Variants in RAB38 observed in about 807,000 individuals in gnomAD.
RAB38 encodes the protein ras-related protein Rab-38.
RAB38 carries 15 observed loss-of-function variants against 18.4 expected under a neutral mutation model. The observed-to-expected ratio is 0.82, with a 90% CI of 0.55 to 1.26. The LOEUF is 1.26. Ranked by LOEUF, RAB38 falls within the 50% of genes most tolerant of loss-of-function variation. RAB38 has a pLI of 0.00. For synonymous variants in RAB38, 101 were observed against 104.4 expected (o/e 0.97, Z 0.20); for missense variants, 294 against 267.4 (o/e 1.10, Z -0.69).
the RAB38 span, among the ~76,000 whole-genome samples, chr11:87,945,428 C>T: frequency 2.6e-5 from 4 of 152,212 alleles, no homozygotes; most frequent in South Asian, 8.3e-4. Context: ...TGAAATGGAG[C>T]AATTTAACAA....
the RAB38 span, among the ~76,000 whole-genome samples, chr11:87,813,476 T>G: frequency 2.1e-5 from 3 of 145,138 alleles, no homozygotes; most frequent in Non-Finnish European, 3.0e-5. Flanking sequence ...AATAAAGGCA[T>G]GCACACATAT....
At chr11:88,169,531 C>T (rs1436101005) in intron 1 of RAB38, among the ~76,000 whole-genome samples, 1 of 151,978 alleles carries the variant, frequency 6.6e-6, no homozygotes, top group African/African-American at 2.4e-5. Context: ...CATGAGTAGT[C>T]AAGGATATAG....
intron 2 of RAB38, among the ~76,000 whole-genome samples, chr11:88,128,129 G>A (rs1257313637): frequency 6.6e-6 from 1 of 152,214 alleles, no homozygotes; most frequent in Admixed American, 6.5e-5. Flanking sequence ...GCTTAGGACA[G>A]GGAATTAGGA....
the RAB38 span, among the ~76,000 whole-genome samples, chr11:88,073,172 T>C: frequency 9.8e-4 from 149 of 152,236 alleles, no homozygotes; most frequent in African/African-American, 3.5e-3. Context: ...GTGTTGAAAG[T>C]GCCTGGAGAG....
At chr11:88,003,782 AAT>A in the RAB38 span, among the ~76,000 whole-genome samples, 12 of 1,376 alleles carry the variant, frequency 8.7e-3, no homozygotes, top group South Asian at 0.026. Flanking sequence ...TATTATATAT[AAT>A]ATATATAATA....
the RAB38 span, among the ~76,000 whole-genome samples, chr11:87,955,672 AT>A: frequency 7.0e-6 from 1 of 142,026 alleles, no homozygotes; most frequent in Non-Finnish European, 1.6e-5. Context: ...TCAATCATCT[AT>A]CTATCAATCA....
the RAB38 span, among the ~76,000 whole-genome samples, chr11:87,874,554 T>C: frequency 0.3 from 45,939 of 150,922 alleles, 8,973 homozygotes; most frequent in African/African-American, 0.54. Context: ...ATGTAAATGA[T>C]GAGTTAATGG....
chr11:88,050,500 C>A, the RAB38 span, among the ~76,000 whole-genome samples: 2 of 152,156 alleles, frequency 1.3e-5, no homozygotes, highest in African/African-American at 4.8e-5. Flanking sequence ...CACCTACGTA[C>A]ACATGCACTT....
chr11:88,103,633 T>C, the RAB38 span, among the ~76,000 whole-genome samples: 5 of 152,214 alleles, frequency 3.3e-5, no homozygotes, highest in East Asian at 9.7e-4. Flanking sequence ...CATTGAAACT[T>C]TGGAGTTGTT....
the RAB38 span, among the ~76,000 whole-genome samples, chr11:87,854,580 G>T: frequency 1.4e-3 from 213 of 152,144 alleles, 1 homozygote; most frequent in Admixed American, 3.0e-3. Flanking sequence ...CATGATAAAT[G>T]AAATGTTTTC....
chr11:87,924,399 A>C, the RAB38 span, among the ~76,000 whole-genome samples: 1 of 152,048 alleles, frequency 6.6e-6, no homozygotes, highest in Non-Finnish European at 1.5e-5. Context: ...ATCTCAGAAA[A>C]TATCTCAGCT....
chr11:87,900,733 AGAGGGAGGGAGGGAAGAAGGAAGATG>A, the RAB38 span, among the ~76,000 whole-genome samples: 1 of 149,116 alleles, frequency 6.7e-6, no homozygotes, highest in East Asian at 2.1e-4. Flanking sequence ...GGAAGAAGGA[AGAGGGAGGGAGGGAAGAAGGAAGATG>A]GAGGGAGGGA....
the RAB38 span, among the ~76,000 whole-genome samples, chr11:87,912,762 C>CTTTTTTTTTTTTTTTTTTTTTTTTTTTT: frequency 2.3e-5 from 2 of 86,562 alleles, no homozygotes; most frequent in Non-Finnish European, 4.6e-5. Context: ...AATTTTCTTT[C>CTTTTTTTTTTTTTTTTTTTTTTTTTTTT]TTTCTTTTTT....
the RAB38 span, among the ~76,000 whole-genome samples, chr11:87,869,513 C>A: frequency 6.6e-6 from 1 of 151,600 alleles, no homozygotes; most frequent in African/African-American, 2.4e-5. Context: ...AGTATCAAAT[C>A]ATTTTGGAAA....
At chr11:87,941,212 G>GAT in the RAB38 span, among the ~76,000 whole-genome samples, 740 of 37,616 alleles carry the variant, frequency 0.02, 50 homozygotes, top group East Asian at 0.045. Context: ...ATAAATATAT[G>GAT]AGATATATAT....
chr11:87,902,164 G>T, the RAB38 span, among the ~76,000 whole-genome samples: 1 of 151,462 alleles, frequency 6.6e-6, no homozygotes, highest in Non-Finnish European at 1.5e-5. Context: ...GCTAGTAAGT[G>T]GTGGAGTGAA....
the RAB38 span, among the ~76,000 whole-genome samples, chr11:88,009,894 T>C: frequency 1.3e-5 from 2 of 152,278 alleles, no homozygotes; most frequent in South Asian, 2.1e-4. Flanking sequence ...TCAGATCTTT[T>C]TGGACTTTGA....
At chr11:88,040,819 T>A in the RAB38 span, among the ~76,000 whole-genome samples, 1 of 152,212 alleles carries the variant, frequency 6.6e-6, no homozygotes, top group East Asian at 1.9e-4. Flanking sequence ...TTTGGTGAGA[T>A]GATAAAACTC....
At chr11:88,077,835 C>T in the RAB38 span, among the ~76,000 whole-genome samples, 5 of 151,934 alleles carry the variant, frequency 3.3e-5, 1 homozygote, top group Non-Finnish European at 7.4e-5. Context: ...CCATTGTTGA[C>T]AGGAAACTAT....
Sources: allele counts gnomAD v4.1 joint callset (sites outside exome capture counted in the v4.1 genomes callset), GRCh38; gene constraint gnomAD v4.1.1; transcripts MANE v1.5; gene names NCBI Gene and HGNC (gene_info 2026-07-23, HGNC 2026-07-21).